SGO2: variants seen among roughly 807,000 people sequenced by gnomAD.
The protein encoded by SGO2 is shugoshin-like 2.
SGO2 carries 68 observed loss-of-function variants against 99.5 expected under a neutral mutation model. The ratio of observed to expected loss-of-function variants is 0.68; its 90% CI spans 0.56 to 0.84. SGO2 has a LOEUF of 0.84. SGO2 is among the 40% of genes least tolerant of loss of function. The pLI is 0.00. For synonymous variants in SGO2, 457 were observed against 487.1 expected (o/e 0.94, Z 0.81); for missense variants, 1,350 against 1,436.7 (o/e 0.94, Z 0.97).
Position 200,571,375 on chromosome 2 carries a change from G to T in SGO2, c.1029G>T (p.Glu343Asp), listed in dbSNP as rs148625825. ...SSESAREPNAECMNQIEDNDD... is the reference protein window; with the variant it reads ...SSESAREPNADCMNQIEDNDD... ...AGTCTGCCAGAGAACCTAATGCAGAGTGCATGAATCAAATTGAGGATAATG... is the reference window on the plus strand; with the variant it reads ...AGTCTGCCAGAGAACCTAATGCAGATTGCATGAATCAAATTGAGGATAATG... Residue 343 changes from glutamate to aspartate, a missense_variant, in exon 7 of 9, where the codon GAG (glutamate) becomes GAT (aspartate). Physicochemically the swap from Glu to Asp is conservative, Grantham distance 45 (BLOSUM62 2). Coordinates refer to ENST00000357799, the MANE Select transcript of SGO2 (RefSeq NM_152524.6). 848 of 1,611,544 alleles carry T rather than the reference G, an allele frequency of 5.3e-4. 3 individuals carry two copies. The African/African-American group carries it at 9.9e-3, about 19-fold the overall frequency.
chr2:200,533,002 C>A lies in SGO2; in HGVS notation c.27C>A (p.Gly9=). ...TGGAGTGCCCAGTGATGGAAACTGGCTCACTTTTTACCTCAGGAATTAAGA... is the reference window on the plus strand; with the variant it reads ...TGGAGTGCCCAGTGATGGAAACTGGATCACTTTTTACCTCAGGAATTAAGA... MECPVMET[G]SLFTSGIKRH... The change falls in exon 2 of 9, where the codon GGC becomes GGA. Residue 9 remains glycine, a synonymous_variant. Transcript: ENST00000357799. 4 of 1,610,304 alleles carry A rather than the reference C, an allele frequency of 2.5e-6. No individual in the cohort carries two copies. The highest frequency in any genetic ancestry group is 1.7e-5 in the Admixed American group (1 of 59,394).
chr2:200,546,353 G>GAA lies in SGO2; in HGVS notation c.473+3715_473+3716dup, dbSNP rs772361302. Among the ~76,000 whole-genome samples, 88 of 42,246 alleles carry GAA rather than the reference G, an allele frequency of 2.1e-3. 4 individuals carry two copies. Among genetic ancestry groups the GAA allele is most frequent in the Non-Finnish European group, 3.0e-3 (75 of 24,778 alleles). 27.7% of individuals were successfully genotyped at this position (42,246 alleles called of 152,430 possible). On this transcript the variant is annotated intron_variant, in intron 5 of 8. Coordinates refer to ENST00000357799, the MANE Select transcript of SGO2 (RefSeq NM_152524.6). ...GGGCTATCGAGCGAGACTCCATCTG[G>GAA]AAAAAAAAAAAAAAAAAAAAAAAAA... is the stretch of plus-strand genomic sequence containing the variant.
chr2:200,579,708 C>G (rs1291938190), intron 8 of SGO2, among the ~76,000 whole-genome samples: 1 of 152,122 alleles, frequency 6.6e-6, no homozygotes, highest in Non-Finnish European at 1.5e-5. Flanking sequence ...GAATAAATCT[C>G]ACTTGATCAC....
intron 5 of SGO2, among the ~76,000 whole-genome samples, chr2:200,560,097 C>G (rs1475973157): frequency 2.0e-5 from 3 of 152,028 alleles, no homozygotes; most frequent in African/African-American, 7.2e-5. Context: ...CTTCTGTTGT[C>G]TGTTTATTCT....
At chr2:200,540,706 T>G (rs1457488206) in intron 4 of SGO2, among the ~76,000 whole-genome samples, 1 of 152,212 alleles carries the variant, frequency 6.6e-6, no homozygotes, top group Non-Finnish European at 1.5e-5. Context: ...ACATTTTATT[T>G]TCTGTGTATT....
In SGO2 at chr2:200,573,576, C is replaced by T; in HGVS notation, c.3230C>T (p.Ser1077Phe). 1 of 1,605,690 alleles carries T rather than the reference C, an allele frequency of 6.2e-7. No individual in the cohort carries two copies. Among genetic ancestry groups the T allele is most frequent in the Non-Finnish European group, 8.5e-7 (1 of 1,177,732 alleles). Residue 1077 changes from serine to phenylalanine, a missense_variant, in exon 7 of 9, where the codon TCT (serine) becomes TTT (phenylalanine). By Grantham distance (155) the Ser-to-Phe change is radical (BLOSUM62 -2). Transcript: ENST00000357799. The part of the protein sequence containing the change: ...CQVKKVNKMT[S>F]KSKKRKTSID... The stretch of plus-strand genomic sequence containing the variant: ...GTTAAAAAGGTAAATAAAATGACAT[C>T]TAAGTCAAAGAAAAGGAAGACCTCC...
At chr2:200,577,499 T>C (rs573558083) in intron 8 of SGO2, among the ~76,000 whole-genome samples, 2 of 152,350 alleles carry the variant, frequency 1.3e-5, no homozygotes, top group Admixed American at 1.3e-4. Flanking sequence ...TTAATTTTAA[T>C]GTCTTATGTG....
chr2:200,541,404 C>CT (rs2031951397), intron 4 of SGO2, among the ~76,000 whole-genome samples: 1 of 152,126 alleles, frequency 6.6e-6, no homozygotes, highest in Admixed American at 6.5e-5. Context: ...CAATTCTAGA[C>CT]TATTCACCCT....
rs1321038015 is a variant in SGO2 at position 200,569,841 on chromosome 2, G to A, written c.652G>A (p.Gly218Ser). The A allele has an allele frequency of 6.2e-7, 1 of 1,603,676 alleles. No homozygotes were observed. Among genetic ancestry groups the A allele is most frequent in the Non-Finnish European group, 8.5e-7 (1 of 1,170,838 alleles). Residue 218 changes from glycine (G) to serine (S), a missense_variant, in exon 6 of 9, where the codon GGT becomes AGT. By Grantham distance (56) the Gly-to-Ser change is moderately conservative. Coordinates refer to ENST00000357799, the MANE Select transcript of SGO2 (RefSeq NM_152524.6). ...FLKENNQNVY[G>S]LDDSEHISSI... ...TAAAGAAAATAATCAAAATGTATAT[G>A]GTTTAGATGATTCAGAACATATTTC...
In SGO2 at chr2:200,572,359, T is replaced by C. The variant is rs765234556; in HGVS notation, c.2013T>C (p.Ala671=). 1.2e-6 allele frequency: 2 copies of C among 1,612,264 alleles called. No individual in the cohort carries two copies. Among genetic ancestry groups the C allele is most frequent in the Non-Finnish European group, 1.7e-6 (2 of 1,179,346 alleles). Residue 671 remains alanine, a synonymous_variant, in exon 7 of 9, where the codon GCT becomes GCC. Coordinates refer to ENST00000357799, the MANE Select transcript of SGO2 (RefSeq NM_152524.6). ...TTTCCAAAGAGCTTCAAATCCCAGCTCTTTCTACTAGAGATAATGAAAATC... is the reference window on the plus strand; with the variant it reads ...TTTCCAAAGAGCTTCAAATCCCAGCCCTTTCTACTAGAGATAATGAAAATC... ...IEVSKELQIP[A]LSTRDNENQC...
In SGO2 at chr2:200,571,445, T is replaced by G. The variant is rs2033421684; in HGVS notation, c.1099T>G (p.Leu367Val). ...AACTGTGTATGATGCTGACATGGATTTAACTGCTAGTGAAGTCAGCAAAAT... is the reference window on the plus strand; with the variant it reads ...AACTGTGTATGATGCTGACATGGATGTAACTGCTAGTGAAGTCAGCAAAAT... ...QKTVYDADMDLTASEVSKIVT... is the reference protein window; with the variant it reads ...QKTVYDADMDVTASEVSKIVT... The change falls in exon 7 of 9, where the codon TTA becomes GTA. Residue 367 changes from leucine (L) to valine (V), a missense_variant. Leu to Val is a conservative substitution (Grantham distance 32, BLOSUM62 1). Transcript: ENST00000357799. The G allele has an allele frequency of 6.2e-7, 1 of 1,610,868 alleles. No homozygotes were observed. Among genetic ancestry groups the G allele is most frequent in the Non-Finnish European group, 8.5e-7 (1 of 1,178,774 alleles).
chr2:200,549,097 A>G (rs993202376), intron 5 of SGO2, among the ~76,000 whole-genome samples: 17 of 152,140 alleles, frequency 1.1e-4, no homozygotes, highest in Admixed American at 1.1e-3. Context: ...TCCCTACAAA[A>G]TAAAAAATTA....
intron 5 of SGO2, among the ~76,000 whole-genome samples, chr2:200,554,709 A>C (rs1026479109): frequency 6.6e-6 from 1 of 152,218 alleles, no homozygotes; most frequent in African/African-American, 2.4e-5. Context: ...TTATATAAGC[A>C]CAAAGAAAGG....
rs1244386893 is a variant in SGO2 at position 200,572,262 on chromosome 2, A to G, written c.1916A>G (p.His639Arg). ...MYEDNDKDVV[H>R]GLKKGNFFFK... ...GAGGATAATGATAAAGATGTGGTGCATGGCCTAAAAAAAGGTAATTTTTTT... is the reference window on the plus strand; with the variant it reads ...GAGGATAATGATAAAGATGTGGTGCGTGGCCTAAAAAAAGGTAATTTTTTT... Residue 639 changes from histidine to arginine, a missense_variant, in exon 7 of 9, where the codon CAT becomes CGT. His to Arg is a conservative substitution (Grantham distance 29). Transcript: ENST00000357799. 3 of 1,611,438 alleles carry G rather than the reference A, an allele frequency of 1.9e-6. No individual in the cohort carries two copies. Among genetic ancestry groups the G allele is most frequent in the Admixed American group, 1.7e-5 (1 of 59,690 alleles).
rs1227633546 is a variant in SGO2 at position 200,570,740 on chromosome 2, G to A, written c.704-310G>A. Among the ~76,000 whole-genome samples, 2 of 151,498 alleles carry A rather than the reference G, an allele frequency of 1.3e-5. No homozygotes were observed. Among genetic ancestry groups the A allele is most frequent in the East Asian group, 3.9e-4 (2 of 5,170 alleles). ...CACTATTATTTGGGTTCATTTGCTG[G>A]CCTCCTTTCACTCTAGAAATGTATG... On this transcript the variant is annotated intron_variant, in intron 6 of 8. Transcript: ENST00000357799. This position sits in a 1 kb window ranked among gnomAD's most constrained non-coding sequence, Gnocchi z 4.4.
At position 200,572,256 on chromosome 2, in the gene SGO2, T is replaced by C. The variant is rs754930990; in HGVS notation, c.1910T>C (p.Val637Ala). The C allele has an allele frequency of 1.2e-6, 2 of 1,612,398 alleles. No individual in the cohort carries two copies. The highest frequency in any genetic ancestry group is 1.7e-6 in the Non-Finnish European group (2 of 1,179,444). ...ATGTATGAGGATAATGATAAAGATG[T>C]GGTGCATGGCCTAAAAAAAGGTAAT... ...NHMYEDNDKD[V>A]VHGLKKGNFF... Residue 637 changes from valine (V) to alanine (A), a missense_variant, in exon 7 of 9, where the codon GTG becomes GCG. Val to Ala is a moderately conservative substitution (Grantham distance 64). Transcript: ENST00000357799.
intron 1 of SGO2, among the ~76,000 whole-genome samples, chr2:200,527,853 C>T (rs544914181): frequency 3.6e-4 from 55 of 152,040 alleles, no homozygotes; most frequent in Non-Finnish European, 2.4e-4. Flanking sequence ...GATAAGTTAA[C>T]GGAGAAAAAT....
At position 200,573,379 on chromosome 2, in the gene SGO2, A is replaced by G. The variant is rs188177951; in HGVS notation, c.3033A>G (p.Glu1011=). ...ACAAACTTGCTTCACAGTTAACAGAATCTTCACAGACATCTATCTCCTTAG... is the reference window on the plus strand; with the variant it reads ...ACAAACTTGCTTCACAGTTAACAGAGTCTTCACAGACATCTATCTCCTTAG... ...AKNKLASQLT[E]SSQTSISLES... Residue 1011 remains glutamate, a synonymous_variant, in exon 7 of 9, where the codon GAA becomes GAG. Coordinates refer to ENST00000357799, the MANE Select transcript of SGO2 (RefSeq NM_152524.6). 6.9e-6 allele frequency: 11 copies of G among 1,601,962 alleles called. No homozygotes were observed. The Admixed American group carries it at 1.1e-4, about 15-fold the overall frequency.
chr2:200,533,316 A>G (rs948640073), intron 2 of SGO2: 1 of 407,434 alleles, frequency 2.5e-6, no homozygotes, highest in African/African-American at 2.1e-5. Flanking sequence ...GACACAGTTG[A>G]ATTTTCAGCA....
Sources: gnomAD v4.1 joint callset for allele counts (sites outside exome capture counted in the v4.1 genomes callset) on GRCh38, gnomAD v4.1.1 for gene constraint, Gnocchi (gnomAD v3.1) non-coding constraint, MANE v1.5 for transcripts, NCBI Gene and HGNC (gene_info 2026-07-23, HGNC 2026-07-21) for gene names.